Variants in ZNF618 observed in about 807,000 individuals in gnomAD.
ZNF618 encodes the protein neural precursor cell expressed, developmentally down-regulated 10.
Under a neutral mutation model 103.0 loss-of-function variants are expected in ZNF618, and 34 were observed. The ratio of observed to expected loss-of-function variants is 0.33; its 90% CI spans 0.25 to 0.44. ZNF618 has a LOEUF of 0.44. Ranked by LOEUF, ZNF618 falls within the 20% of genes least tolerant of loss-of-function variation. The pLI, the probability that ZNF618 is intolerant of heterozygous loss-of-function variation, is 1.00. For synonymous variants in ZNF618, 551 were observed against 542.2 expected (o/e 1.02, Z -0.23); for missense variants, 1,059 against 1,295.4 (o/e 0.82, Z 2.80).
intron 1 of ZNF618, among the ~76,000 whole-genome samples, chr9:113,882,327 C>G (rs2130820796): frequency 6.6e-6 from 1 of 152,324 alleles, no homozygotes; most frequent in African/African-American, 2.4e-5. Context: ...TCTGGAACCA[C>G]AGCTTCTACA....
chr9:113,924,424 C>CTT (rs869300538), intron 1 of ZNF618, among the ~76,000 whole-genome samples: 15 of 67,220 alleles, frequency 2.2e-4, no homozygotes, highest in South Asian at 9.4e-4. Context: ...TCTTCTTCTT[C>CTT]TTTTTTTTTT....
intron 2 of ZNF618, among the ~76,000 whole-genome samples, chr9:113,981,831 A>C (rs1564251072): frequency 6.6e-6 from 1 of 152,196 alleles, no homozygotes; most frequent in African/African-American, 2.4e-5. Context: ...GTGTGCACTG[A>C]GTTCTTTCTG....
intron 1 of ZNF618, among the ~76,000 whole-genome samples, chr9:113,894,831 C>T (rs77687740): frequency 0.015 from 2,267 of 152,172 alleles, 58 homozygotes; most frequent in African/African-American, 0.051. Context: ...TATTGTATTA[C>T]CTTCTTAGTT....
intron 4 of ZNF618, among the ~76,000 whole-genome samples, chr9:114,000,697 C>T (rs778336744): frequency 1.3e-5 from 2 of 152,144 alleles, no homozygotes; most frequent in Non-Finnish European, 2.9e-5. Context: ...GCCTCTGCTT[C>T]CAGGCAAGAC....
chr9:113,891,276 T>C (rs1202860867), intron 1 of ZNF618, among the ~76,000 whole-genome samples: 3 of 152,112 alleles, frequency 2.0e-5, no homozygotes, highest in African/African-American at 7.2e-5. Flanking sequence ...ATCCAGAATA[T>C]ATAAAGAAAT....
Position 113,938,847 on chromosome 9 carries a change from G to A in ZNF618, c.34-30270G>A, listed in dbSNP as rs536558081. Among the ~76,000 whole-genome samples the A allele has an allele frequency of 3.9e-5, 6 of 152,290 alleles. No homozygotes were observed. The East Asian group carries it at 1.2e-3, about 29-fold the overall frequency. ...AGCCTCCCGAAGTGCTGGGATTACA[G>A]GTGTGAGCCACCACATCCGTTCCGT... On this transcript the variant is annotated intron_variant, in intron 1 of 14. Transcript: ENST00000374126.
chr9:113,912,580 A>G (rs1335223072), intron 1 of ZNF618, among the ~76,000 whole-genome samples: 1 of 152,222 alleles, frequency 6.6e-6, no homozygotes, highest in African/African-American at 2.4e-5. Context: ...AATTAATTCA[A>G]TTAAACTATT....
At chr9:113,880,303 C>A (rs1016488376) in intron 1 of ZNF618, among the ~76,000 whole-genome samples, 4 of 152,130 alleles carry the variant, frequency 2.6e-5, no homozygotes, top group Non-Finnish European at 4.4e-5. Flanking sequence ...CCCTAGCCCC[C>A]ACAAGGTCTT....
chr9:113,913,768 T>A (rs1831796561), intron 1 of ZNF618, among the ~76,000 whole-genome samples: 1 of 152,190 alleles, frequency 6.6e-6, no homozygotes, highest in African/African-American at 2.4e-5. Context: ...ACTGTTGTCT[T>A]GGGTTTGAGG....
intron 10 of ZNF618, among the ~76,000 whole-genome samples, chr9:114,020,281 C>T (rs1449059522): frequency 6.6e-6 from 1 of 152,042 alleles, no homozygotes; most frequent in Non-Finnish European, 1.5e-5. Flanking sequence ...TTTTTTAAGA[C>T]TATTTGGCTA....
intron 6 of ZNF618, among the ~76,000 whole-genome samples, chr9:114,007,080 AG>A (rs1384618031): frequency 6.6e-6 from 1 of 152,190 alleles, no homozygotes; most frequent in East Asian, 1.9e-4. Flanking sequence ...CTCACAGGGA[AG>A]GGGTGATGTA....
intron 6 of ZNF618, 108 bp from the exon 7 acceptor site, chr9:114,007,242 C>G (rs1049172196): frequency 4.6e-6 from 4 of 865,758 alleles, no homozygotes; most frequent in African/African-American, 1.7e-5. Flanking sequence ...CTCCGCTAGC[C>G]AGACTGGGCT....
chr9:114,026,971 C>T (rs180776583), intron 10 of ZNF618, among the ~76,000 whole-genome samples: 2 of 152,242 alleles, frequency 1.3e-5, no homozygotes, highest in Non-Finnish European at 2.9e-5. Context: ...TCACTCCAGA[C>T]TCAAGGCTGG....
intron 1 of ZNF618, among the ~76,000 whole-genome samples, chr9:113,945,778 G>A (rs1371235084): frequency 6.7e-6 from 1 of 150,206 alleles, no homozygotes; most frequent in Non-Finnish European, 1.5e-5. Flanking sequence ...ATATAGGGCT[G>A]GGGGGAGAAA....
At chr9:114,004,151 C>T (rs1841514118) in intron 6 of ZNF618, among the ~76,000 whole-genome samples, 1 of 152,222 alleles carries the variant, frequency 6.6e-6, no homozygotes, top group Non-Finnish European at 1.5e-5. Flanking sequence ...TGTAACTGGC[C>T]TGGGTCCCAG....
intron 9 of ZNF618, among the ~76,000 whole-genome samples, chr9:114,013,672 C>T (rs572240466): frequency 2.9e-4 from 44 of 152,286 alleles, no homozygotes; most frequent in African/African-American, 1.0e-3. Context: ...ACCTTGTGAT[C>T]CACCTGCCTC....
rs183609598 is a variant in ZNF618, at chr9:114,041,633, G to A, written c.1246+5256G>A. 2.7e-3 allele frequency among the ~76,000 whole-genome samples: 413 copies of A among 152,246 alleles called. 7 individuals carry two copies. In the East Asian group the frequency reaches 0.043, roughly 16 times the overall value. On this transcript the variant is annotated intron_variant, in intron 13 of 14. Transcript: ENST00000374126. Reference sequence around the variant, plus strand: ...TTGTCAGGTTTGTCAAAGATCGGATGGTTGTAGATGTGTGGTATTATTTCT... The same window carrying A: ...TTGTCAGGTTTGTCAAAGATCGGATAGTTGTAGATGTGTGGTATTATTTCT...
chr9:114,040,901 G>A (rs1202385720), intron 13 of ZNF618, among the ~76,000 whole-genome samples: 19 of 150,274 alleles, frequency 1.3e-4, no homozygotes, highest in African/African-American at 3.8e-4. Context: ...TTGAGGAATC[G>A]CCACACTGTC....
intron 1 of ZNF618, among the ~76,000 whole-genome samples, chr9:113,902,589 A>G (rs767687920): frequency 6.6e-6 from 1 of 152,250 alleles, no homozygotes; most frequent in African/African-American, 2.4e-5. Context: ...AAAAATTTAC[A>G]TAAATAATAC....
Sources: gnomAD v4.1 joint callset for allele counts (sites outside exome capture counted in the v4.1 genomes callset) on GRCh38, gnomAD v4.1.1 for gene constraint, MANE v1.5 for transcripts, NCBI Gene and HGNC (gene_info 2026-07-23, HGNC 2026-07-21) for gene names.